NCALD: variants seen among roughly 807,000 people sequenced by gnomAD.
NCALD encodes neurocalcin delta.
NCALD carries 10 observed loss-of-function variants against 18.6 expected under a neutral mutation model. The observed-to-expected ratio is 0.54, with a 90% CI of 0.33 to 0.91. The LOEUF is 0.91. Ranked by LOEUF, NCALD falls within the 40% of genes least tolerant of loss-of-function variation. The pLI, the probability that NCALD is intolerant of heterozygous loss-of-function variation, is 0.03. For synonymous variants in NCALD, 88 were observed against 87.4 expected (o/e 1.01, Z -0.04); for missense variants, 184 against 247.6 (o/e 0.74, Z 1.72).
intron 4 of NCALD, among the ~76,000 whole-genome samples, chr8:101,873,831 C>CA (rs1816117935): frequency 6.6e-6 from 1 of 152,130 alleles, no homozygotes; most frequent in South Asian, 2.1e-4. Flanking sequence ...CACCAGGGAC[C>CA]AAAAATACTC....
intron 4 of NCALD, among the ~76,000 whole-genome samples, chr8:101,805,395 A>G (rs1192289739): frequency 2.0e-5 from 3 of 152,230 alleles, no homozygotes; most frequent in African/African-American, 7.2e-5. Context: ...TGCACCCAAG[A>G]GGTTGGAGAC....
intron 1 of NCALD, among the ~76,000 whole-genome samples, chr8:102,058,581 C>T (rs1162987745): frequency 3.9e-5 from 6 of 152,198 alleles, no homozygotes; most frequent in Admixed American, 1.3e-4. Context: ...TTGCCACACA[C>T]CGTTTCCATT....
chr8:101,898,342 A>C (rs1263414781), intron 3 of NCALD, among the ~76,000 whole-genome samples: 4 of 152,200 alleles, frequency 2.6e-5, no homozygotes, highest in Non-Finnish European at 5.9e-5. Flanking sequence ...TATCATTTAC[A>C]ATAAGATATC....
chr8:102,006,475 C>T (rs2132048652), intron 2 of NCALD, among the ~76,000 whole-genome samples: 1 of 152,312 alleles, frequency 6.6e-6, no homozygotes, highest in East Asian at 1.9e-4. Flanking sequence ...CCTCCCTAGA[C>T]CTAGCCTCTA....
At chr8:101,691,176 C>A (rs960201900) in intron 3 of NCALD, 118 of 985,320 alleles carry the variant, frequency 1.2e-4, no homozygotes, top group Non-Finnish European at 3.4e-5. Flanking sequence ...AGCACCCAGT[C>A]TCCTGGTTGA....
At chr8:102,011,837 C>T (rs901495780) in intron 2 of NCALD, among the ~76,000 whole-genome samples, 2 of 152,090 alleles carry the variant, frequency 1.3e-5, no homozygotes, top group African/African-American at 2.4e-5. Context: ...TTAGTTAAAG[C>T]AGTGTAGTGA....
intron 1 of NCALD, among the ~76,000 whole-genome samples, chr8:102,066,170 GA>G (rs1286554940): frequency 6.6e-6 from 1 of 152,206 alleles, no homozygotes; most frequent in African/African-American, 2.4e-5. Flanking sequence ...AGCCTGGAGG[GA>G]AATGTCACAG....
At chr8:102,100,332 C>A (rs1224926860) in intron 1 of NCALD, among the ~76,000 whole-genome samples, 1 of 152,120 alleles carries the variant, frequency 6.6e-6, no homozygotes, top group Non-Finnish European at 1.5e-5. Context: ...TATCCAGATT[C>A]TTTTATTAAT....
chr8:101,732,626 C>G (rs1174913606), intron 1 of NCALD, among the ~76,000 whole-genome samples: 1 of 85,518 alleles, frequency 1.2e-5, no homozygotes, highest in Non-Finnish European at 2.1e-5. Flanking sequence ...TTTTTTGAGA[C>G]AGGGTCTTGC....
upstream of NCALD, among the ~76,000 whole-genome samples, chr8:101,791,671 T>G (rs1812450482): frequency 6.6e-6 from 1 of 152,046 alleles, no homozygotes; most frequent in Non-Finnish European, 1.5e-5. Flanking sequence ...AATGTCTAGG[T>G]AAAAATGAGG....
At chr8:102,070,306 T>A (rs1355545702) in intron 1 of NCALD, among the ~76,000 whole-genome samples, 1 of 152,204 alleles carries the variant, frequency 6.6e-6, no homozygotes, top group South Asian at 2.1e-4. Context: ...GAACGACATA[T>A]ATAAAGTATT....
At chr8:101,914,258 C>T (rs953206273) in intron 3 of NCALD, among the ~76,000 whole-genome samples, 1 of 151,954 alleles carries the variant, frequency 6.6e-6, no homozygotes, top group Non-Finnish European at 1.5e-5. Flanking sequence ...TGTCGCTCTA[C>T]TGGAATTTGT....
chr8:101,871,947 A>G (rs1816038247), intron 4 of NCALD: 2 of 738,972 alleles, frequency 2.7e-6, no homozygotes, highest in African/African-American at 1.7e-5. Context: ...TAACTGCTCT[A>G]GATTCAGACA....
chr8:101,792,253 T>C (rs747663416), upstream of NCALD, among the ~76,000 whole-genome samples: 22 of 152,196 alleles, frequency 1.4e-4, no homozygotes, highest in Non-Finnish European at 2.9e-4. Flanking sequence ...CCAGGCAGAT[T>C]ACATTTGTGT....
At chr8:101,905,712 T>C (rs16868683) in intron 3 of NCALD, among the ~76,000 whole-genome samples, 1 of 152,304 alleles carries the variant, frequency 6.6e-6, no homozygotes, top group Middle Eastern at 3.4e-3. Flanking sequence ...GGCTACTGGT[T>C]AAAGTCGAAG....
intron 4 of NCALD, among the ~76,000 whole-genome samples, chr8:101,852,054 C>T (rs920829528): frequency 2.0e-5 from 3 of 152,140 alleles, no homozygotes; most frequent in South Asian, 2.1e-4. Context: ...CAGGCCTTCA[C>T]CTCACTGAAT....
intron 1 of NCALD, among the ~76,000 whole-genome samples, chr8:101,738,090 C>T (rs1810006112): frequency 6.6e-6 from 1 of 152,150 alleles, no homozygotes; most frequent in Admixed American, 6.5e-5. Context: ...CTTTCTGTAT[C>T]TGGGAAACTG....
rs115966585 is a variant in NCALD, at chr8:101,921,450, A to G, written c.-156-5592T>C. ...CATGTTAGGAAAACATTAGAAAAAG[A>G]CGTAACTACCAATTTCTGTATATTT... On this transcript the variant is annotated intron_variant, in intron 2 of 6. Transcript: ENST00000311028. 2.5e-3 allele frequency among the ~76,000 whole-genome samples: 381 copies of G among 152,226 alleles called. 3 individuals carry two copies. The highest frequency in any genetic ancestry group is 8.7e-3 in the African/African-American group (363 of 41,566).
intron 1 of NCALD, among the ~76,000 whole-genome samples, chr8:101,757,384 C>G (rs866943750): frequency 6.6e-6 from 1 of 152,148 alleles, no homozygotes; most frequent in Non-Finnish European, 1.5e-5. Context: ...CTCCATTGTC[C>G]TTATCTCTCC....
Sources: allele counts gnomAD v4.1 joint callset (sites outside exome capture counted in the v4.1 genomes callset), GRCh38; gene constraint gnomAD v4.1.1; transcripts MANE v1.5; gene names NCBI Gene and HGNC (gene_info 2026-07-23, HGNC 2026-07-21).